PCDH15: variants seen among roughly 807,000 people sequenced by gnomAD.
The protein encoded by PCDH15 is protocadherin related 15.
Under a neutral mutation model 178.5 loss-of-function variants are expected in PCDH15, and 129 were observed. That is an observed-to-expected ratio of 0.72 (90% CI 0.63 to 0.84). The LOEUF (loss-of-function observed/expected upper bound fraction) is 0.84, where lower values mean the gene tolerates loss of function less well. Ranked by LOEUF, PCDH15 falls within the 40% of genes least tolerant of loss-of-function variation. The pLI is 0.00. For synonymous variants in PCDH15, 800 were observed against 732.0 expected, an observed-to-expected ratio of 1.09 and a Z score of -1.50; for missense variants, 2,230 against 2,099.9, an observed-to-expected ratio of 1.06 and a Z score of -1.21.
At chr10:54,135,563 A>G (rs1045542396) in intron 14 of PCDH15, among the ~76,000 whole-genome samples, 4 of 152,244 alleles carry the variant, frequency 2.6e-5, no homozygotes, top group Non-Finnish European at 5.9e-5. Context: ...ATCTGACTCC[A>G]GAAGCAGCCC....
At chr10:55,264,979 G>C (rs1842244181) in intron 1 of PCDH15, among the ~76,000 whole-genome samples, 1 of 152,132 alleles carries the variant, frequency 6.6e-6, no homozygotes, top group African/African-American at 2.4e-5. Flanking sequence ...AAGGCTGCAA[G>C]GGGCAAGCCC....
intron 2 of PCDH15, among the ~76,000 whole-genome samples, chr10:55,358,894 T>G (rs1232563155): frequency 6.6e-6 from 1 of 152,154 alleles, no homozygotes; most frequent in Non-Finnish European, 1.5e-5. Context: ...CATATAATTA[T>G]TTAAAATATT....
intron 8 of PCDH15, among the ~76,000 whole-genome samples, chr10:54,247,965 T>TATATATATATAA (rs1219174871): frequency 7.1e-6 from 1 of 140,810 alleles, no homozygotes; most frequent in African/African-American, 2.8e-5. Context: ...TATATACACA[T>TATATATATATAA]ACAGTAAATG....
At chr10:54,733,284 G>T (rs1943654043) in intron 1 of PCDH15, among the ~76,000 whole-genome samples, 1 of 151,552 alleles carries the variant, frequency 6.6e-6, no homozygotes, top group Admixed American at 6.6e-5. Context: ...AAAGAATTTA[G>T]TAAGTCACAG....
intron 15 of PCDH15, among the ~76,000 whole-genome samples, chr10:54,132,553 G>C (rs1200649698): frequency 6.6e-6 from 1 of 152,144 alleles, no homozygotes; most frequent in Non-Finnish European, 1.5e-5. Context: ...ATAATAGTCA[G>C]CTGCAGACTC....
At chr10:55,079,825 G>C (rs992586691) in intron 2 of PCDH15, among the ~76,000 whole-genome samples, 3 of 152,158 alleles carry the variant, frequency 2.0e-5, no homozygotes, top group African/African-American at 7.2e-5. Flanking sequence ...GCTGATGCCA[G>C]AGGTGGTGCA....
chr10:55,395,588 C>T (rs180902213), intron 2 of PCDH15, among the ~76,000 whole-genome samples: 1 of 152,012 alleles, frequency 6.6e-6, no homozygotes, highest in East Asian at 1.9e-4. Flanking sequence ...TTTTTTAAGC[C>T]TATAGAATTT....
intron 1 of PCDH15, among the ~76,000 whole-genome samples, chr10:55,269,588 C>G (rs559963200): frequency 3.8e-4 from 58 of 151,988 alleles, no homozygotes; most frequent in Non-Finnish European, 7.8e-4. Flanking sequence ...GGTGAAAGAT[C>G]TCTACAAGTA....
intron 5 of PCDH15, among the ~76,000 whole-genome samples, chr10:54,364,303 T>C (rs930361222): frequency 1.3e-5 from 2 of 152,090 alleles, no homozygotes; most frequent in Admixed American, 6.6e-5. Flanking sequence ...TGTTGGGTAG[T>C]TCTATATATA....
intron 2 of PCDH15, among the ~76,000 whole-genome samples, chr10:55,005,226 A>AATAATAATCATC (rs34847205): frequency 7.5e-5 from 11 of 146,568 alleles, no homozygotes; most frequent in Admixed American, 6.1e-4. Flanking sequence ...TAATAATAAT[A>AATAATAATCATC]ATCAATGGAG....
At chr10:55,197,987 A>C (rs1840141082) in intron 1 of PCDH15, among the ~76,000 whole-genome samples, 1 of 152,174 alleles carries the variant, frequency 6.6e-6, no homozygotes, top group Admixed American at 6.5e-5. Context: ...ATATTCAGAC[A>C]TCTACATAAA....
chr10:53,984,122 C>CTTTTTTTTTTTTTTTTTTTTTTTTTTT (rs57184119), intron 21 of PCDH15, among the ~76,000 whole-genome samples: 2 of 112,684 alleles, frequency 1.8e-5, no homozygotes, highest in African/African-American at 3.6e-5. Flanking sequence ...AAGTGCTTTT[C>CTTTTTTTTTTTTTTTTTTTTTTTTTTT]TTTTTTTTTT....
chr10:54,958,751 A>G (rs1422787818), intron 2 of PCDH15, among the ~76,000 whole-genome samples: 2 of 151,728 alleles, frequency 1.3e-5, no homozygotes, highest in Non-Finnish European at 1.5e-5. Flanking sequence ...GAAATGAAAC[A>G]GAGAAAAGGA....
At chr10:55,006,281 C>A (rs556862642) in intron 2 of PCDH15, among the ~76,000 whole-genome samples, 1 of 152,236 alleles carries the variant, frequency 6.6e-6, no homozygotes, top group South Asian at 2.1e-4. Context: ...CCGCCAACCC[C>A]AGCCTTCGGT....
At chr10:55,448,701 T>A (rs1589037333) in intron 2 of PCDH15, among the ~76,000 whole-genome samples, 1 of 152,050 alleles carries the variant, frequency 6.6e-6, no homozygotes, top group Non-Finnish European at 1.5e-5. Flanking sequence ...TCATGATTAC[T>A]AATGTCTAAA....
intron 8 of PCDH15, among the ~76,000 whole-genome samples, chr10:54,251,992 T>G (rs1350417576): frequency 3.4e-4 from 52 of 152,166 alleles, no homozygotes; most frequent in Admixed American, 3.3e-3. Context: ...ATCTTCAGTG[T>G]AAAATGCTGC....
chr10:53,868,479 C>T (rs983160297), intron 26 of PCDH15, among the ~76,000 whole-genome samples: 17 of 151,952 alleles, frequency 1.1e-4, no homozygotes, highest in African/African-American at 4.1e-4. Flanking sequence ...TGTTCTTAAC[C>T]AGCTCTGTCT....
At chr10:55,452,492 C>T (rs899393120) in intron 2 of PCDH15, among the ~76,000 whole-genome samples, 1 of 152,078 alleles carries the variant, frequency 6.6e-6, no homozygotes, top group Non-Finnish European at 1.5e-5. Flanking sequence ...TTCTGGTTTC[C>T]TTTCTTATCC....
chr10:55,197,293 C>G (rs911610795), intron 1 of PCDH15, among the ~76,000 whole-genome samples: 1 of 151,966 alleles, frequency 6.6e-6, no homozygotes, highest in Non-Finnish European at 1.5e-5. Context: ...TGCAATAACC[C>G]TGATATTTTT....
Sources: allele counts gnomAD v4.1 joint callset (sites outside exome capture counted in the v4.1 genomes callset), GRCh38; gene constraint gnomAD v4.1.1; transcripts MANE v1.5; gene names NCBI Gene and HGNC (gene_info 2026-07-23, HGNC 2026-07-21).